The following DSE variants were observed in gnomAD, a reference collection of about 807,000 sequenced individuals.
DSE encodes the protein dermatan sulfate epimerase, also known as dermatan-sulfate epimerase.
DSE carries 36 observed loss-of-function variants against 84.4 expected under a neutral mutation model. That is an observed-to-expected ratio of 0.43 (90% confidence interval 0.33 to 0.56). The LOEUF (loss-of-function observed/expected upper bound fraction) is 0.56, where lower values mean the gene tolerates loss of function less well. Ranked by LOEUF, DSE falls within the 20% of genes least tolerant of loss-of-function variation. The pLI is 0.06. For missense variants in DSE, 862 were observed against 1,169.6 expected, an observed-to-expected ratio of 0.74 and a Z score of 3.84; for synonymous variants, 410 against 430.1, an observed-to-expected ratio of 0.95 and a Z score of 0.58.
At chr6:116,265,509 TG>T (rs1246578034) in intron 2 of DSE, among the ~76,000 whole-genome samples, 1 of 151,960 alleles carries the variant, frequency 6.6e-6, no homozygotes, top group African/African-American at 2.4e-5. Context: ...CAAAGTGATG[TG>T]GGGAGTTGGT....
At chr6:116,340,326 T>C (rs776222539) in intron 2 of DSE, among the ~76,000 whole-genome samples, 1 of 152,196 alleles carries the variant, frequency 6.6e-6, no homozygotes, top group Non-Finnish European at 1.5e-5. Context: ...TTTCTGCTCA[T>C]CTGTCAAGTT....
chr6:116,319,437 G>A (rs1366005812), intron 2 of DSE, among the ~76,000 whole-genome samples: 2 of 152,202 alleles, frequency 1.3e-5, no homozygotes, highest in African/African-American at 2.4e-5. Context: ...TAGGGAATGA[G>A]GAAATATGGT....
At chr6:116,425,259 C>G (rs896444301) in intron 2 of DSE, among the ~76,000 whole-genome samples, 1 of 152,110 alleles carries the variant, frequency 6.6e-6, no homozygotes, top group African/African-American at 2.4e-5. Context: ...TTATGTCTTA[C>G]GAATTTTAAA....
chr6:116,420,912 G>C (rs533556038), intron 2 of DSE, among the ~76,000 whole-genome samples: 5 of 152,026 alleles, frequency 3.3e-5, no homozygotes, highest in African/African-American at 1.2e-4. Flanking sequence ...AGACTTCTTC[G>C]ATTGCCAACT....
intron 3 of DSE, among the ~76,000 whole-genome samples, chr6:116,427,758 A>G (rs895834174): frequency 2.0e-5 from 3 of 152,244 alleles, no homozygotes; most frequent in Non-Finnish European, 4.4e-5. Context: ...CATAAAGTTC[A>G]ATCTCTTTCT....
At chr6:116,278,344 C>A in intron 2 of DSE, 1 of 756,726 alleles carries the variant, frequency 1.3e-6, no homozygotes, top group Admixed American at 2.5e-5. Flanking sequence ...GAAGCATACC[C>A]ACCACCGTCT....
chr6:116,393,410 T>C (rs1230993718), intron 1 of DSE, among the ~76,000 whole-genome samples: 1 of 152,238 alleles, frequency 6.6e-6, no homozygotes, highest in East Asian at 1.9e-4. Flanking sequence ...TCTATAGTTC[T>C]TATATTTTTA....
chr6:116,332,011 A>C (rs954682074), intron 2 of DSE, among the ~76,000 whole-genome samples: 1 of 152,148 alleles, frequency 6.6e-6, no homozygotes, highest in Non-Finnish European at 1.5e-5. Flanking sequence ...TATATAAAAA[A>C]ACTCAAAGAC....
intron 2 of DSE, chr6:116,279,395 C>T (rs1483145930): frequency 6.2e-7 from 1 of 1,613,158 alleles, no homozygotes. Flanking sequence ...TCCGCCCCCG[C>T]CGTCAGCTCA....
intron 1 of DSE, among the ~76,000 whole-genome samples, chr6:116,387,506 G>A (rs1780645496): frequency 6.6e-6 from 1 of 152,134 alleles, no homozygotes; most frequent in Non-Finnish European, 1.5e-5. Context: ...AAATGACCAC[G>A]TGCAGCCATG....
At chr6:116,317,821 C>G (rs534066187) in intron 2 of DSE, among the ~76,000 whole-genome samples, 2 of 152,302 alleles carry the variant, frequency 1.3e-5, no homozygotes, top group South Asian at 4.1e-4. Flanking sequence ...CAGAACAAGT[C>G]CTTTTTTATT....
chr6:116,338,586 A>C (rs1456934369), intron 2 of DSE, among the ~76,000 whole-genome samples: 1 of 152,272 alleles, frequency 6.6e-6, no homozygotes, highest in East Asian at 1.9e-4. Flanking sequence ...AGAGTTCATT[A>C]TAATTCACAG....
At chr6:116,415,297 T>C (rs1031375526) in intron 2 of DSE, among the ~76,000 whole-genome samples, 1 of 144,832 alleles carries the variant, frequency 6.9e-6, no homozygotes, top group Non-Finnish European at 1.6e-5. Context: ...AGTGTTGCTG[T>C]TGAGATGTCT....
At chr6:116,269,802 A>G (rs1240990202) in intron 2 of DSE, among the ~76,000 whole-genome samples, 1 of 152,194 alleles carries the variant, frequency 6.6e-6, no homozygotes, top group African/African-American at 2.4e-5. Context: ...TTGGTTGCTC[A>G]AAGTCACATT....
intron 2 of DSE, among the ~76,000 whole-genome samples, chr6:116,403,812 C>T (rs1009174301): frequency 3.3e-5 from 5 of 152,186 alleles, no homozygotes; most frequent in African/African-American, 7.2e-5. Flanking sequence ...GAAGAACCCT[C>T]GCAGCCTTCT....
At position 116,283,439 on chromosome 6, in the gene DSE, C is replaced by T. The variant is rs187456061; in HGVS notation, c.-54+24472C>T. On this transcript the variant is annotated intron_variant, in intron 2 of 3. Transcript: ENST00000430252. ...GTGTCAGTCTCATCATCCCAGCATT[C>T]CAGCATCATCTCATGGGATGGGAGC... Among the ~76,000 whole-genome samples, 85 of 152,284 alleles carry T rather than the reference C, an allele frequency of 5.6e-4. 1 individual carries two copies. The highest frequency in any genetic ancestry group is 5.6e-4 in the Non-Finnish European group (38 of 68,024).
At chr6:116,434,486 C>A (rs1784036257) in intron 5 of DSE, among the ~76,000 whole-genome samples, 1 of 152,058 alleles carries the variant, frequency 6.6e-6, no homozygotes, top group African/African-American at 2.4e-5. Flanking sequence ...CTTGAGTTCT[C>A]TCAGGAGTAT....
chr6:116,370,836 C>T (rs1779493450), upstream of DSE: 1 of 985,622 alleles, frequency 1.0e-6, no homozygotes, highest in Non-Finnish European at 1.2e-6. Context: ...TCTCCTCTGG[C>T]TCTGGTGACG....
intron 2 of DSE, among the ~76,000 whole-genome samples, chr6:116,341,045 A>T (rs1777560140): frequency 1.3e-5 from 2 of 152,182 alleles, no homozygotes; most frequent in South Asian, 4.1e-4. Flanking sequence ...CTAGTTCTAG[A>T]TCCTTGAGGA....
Sources: allele counts gnomAD v4.1 joint callset (sites outside exome capture counted in the v4.1 genomes callset), GRCh38; gene constraint gnomAD v4.1.1; transcripts MANE v1.5; gene names NCBI Gene and HGNC (gene_info 2026-07-23, HGNC 2026-07-21).